MAMLD1: variants seen among roughly 807,000 people sequenced by gnomAD.
The protein encoded by MAMLD1 is mastermind-like domain-containing protein 1.
In MAMLD1, 14 loss-of-function variants were observed where a neutral mutation model predicts 45.0. The ratio of observed to expected loss-of-function variants is 0.31; its 90% CI spans 0.21 to 0.49. The LOEUF (loss-of-function observed/expected upper bound fraction) is 0.49. Among genes scored for constraint, MAMLD1 ranks in the 20% least tolerant of loss-of-function variants. The pLI is 0.99. For synonymous variants in MAMLD1, 254 were observed against 247.8 expected (o/e 1.02, Z -0.24); for missense variants, 543 against 603.6 (o/e 0.90, Z 1.05).
chrX:150,462,431 G>T (rs891928312), intron 2 of MAMLD1, among the ~76,000 whole-genome samples: 4 of 111,751 alleles, frequency 3.6e-5, no homozygotes, highest in Non-Finnish European at 7.5e-5. Flanking sequence ...TGGTTGGAGA[G>T]CTGGCAGCCT....
chrX:150,456,641 A>G (rs1422121817), intron 2 of MAMLD1, among the ~76,000 whole-genome samples: 1 of 112,135 alleles, frequency 8.9e-6, no homozygotes, highest in Non-Finnish European at 1.9e-5. Context: ...GTATGTGTAT[A>G]AAAATACAGA....
rs193240817 is a variant in MAMLD1 at position 150,513,085 on chromosome X, A to T, written c.*1126A>T. 1.8e-6 allele frequency: 2 copies of T among 1,133,332 alleles called. No individual in the cohort carries two copies. Among genetic ancestry groups the T allele is most frequent in the African/African-American group, 3.6e-5 (2 of 55,064 alleles). The allele number at this position is 1,133,332 out of a possible 1,213,427, so 93.4% of individuals were successfully genotyped here. On this transcript the variant is annotated 3_prime_UTR_variant, in exon 8 of 8. Transcript: ENST00000370401. ...CTGGGGCACTTTAAATCTGAGCAGG[A>T]TGCCCATAGAAACCCCCATGGTGAC...
At chrX:150,387,181 A>G (rs1022099329) in intron 1 of MAMLD1, among the ~76,000 whole-genome samples, 19 of 111,836 alleles carry the variant, frequency 1.7e-4, no homozygotes, top group African/African-American at 5.5e-4. Context: ...AGGATTATAT[A>G]GTTTTAGTAT....
chrX:150,473,360 C>G (rs1269024121), intron 4 of MAMLD1, among the ~76,000 whole-genome samples: 2 of 112,442 alleles, frequency 1.8e-5, no homozygotes, highest in Admixed American at 1.9e-4. Flanking sequence ...TTATAAAGTG[C>G]TTGGCCAGAG....
intron 1 of MAMLD1, among the ~76,000 whole-genome samples, chrX:150,389,554 G>T (rs782046788): frequency 8.9e-6 from 1 of 112,311 alleles, no homozygotes; most frequent in South Asian, 3.7e-4. Context: ...GGCCCAGGAT[G>T]TGGCCTATCT....
intron 1 of MAMLD1, among the ~76,000 whole-genome samples, chrX:150,398,329 GAAGAAGAA>G (rs1569564611): frequency 1.2e-3 from 100 of 83,639 alleles, no homozygotes; most frequent in African/African-American, 1.5e-3. Flanking sequence ...AGAAGAAGAA[GAAGAAGAA>G]GAAGAGGAAG....
chrX:150,469,174 A>C (rs1320817571), intron 3 of MAMLD1, among the ~76,000 whole-genome samples: 1 of 112,549 alleles, frequency 8.9e-6, no homozygotes, highest in African/African-American at 3.2e-5. Context: ...TGATGCATTT[A>C]ACCAAGACTA....
intron 2 of MAMLD1, among the ~76,000 whole-genome samples, chrX:150,452,280 C>T (rs965152117): frequency 1.8e-5 from 2 of 111,959 alleles, no homozygotes; most frequent in African/African-American, 3.3e-5. Flanking sequence ...CATTCACATC[C>T]GCAGATGCCA....
intron 5 of MAMLD1, among the ~76,000 whole-genome samples, chrX:150,490,907 T>C (rs1205312105): frequency 2.7e-5 from 3 of 112,024 alleles, no homozygotes; most frequent in African/African-American, 6.5e-5. Flanking sequence ...TGTAACACAC[T>C]ATATTAACAG....
chrX:150,509,701 C>T, intron 6 of MAMLD1: 1 of 379,112 alleles, frequency 2.6e-6, no homozygotes, highest in Admixed American at 4.5e-5. Context: ...TTTCTGTGTG[C>T]TCTTGCTATT....
At chrX:150,403,797 G>A (rs1226975013) in intron 1 of MAMLD1, among the ~76,000 whole-genome samples, 1 of 103,043 alleles carries the variant, frequency 9.7e-6, no homozygotes, top group Non-Finnish European at 2.0e-5. Context: ...CAGACTGAGA[G>A]AAAGAAAGGA....
At chrX:150,421,296 G>A (rs1230642292) in intron 1 of MAMLD1, among the ~76,000 whole-genome samples, 1 of 112,054 alleles carries the variant, frequency 8.9e-6, no homozygotes, top group Admixed American at 9.3e-5. Context: ...TGCTTCGCTC[G>A]CGCACGGTGC....
Position 150,473,880 on chromosome X carries a change from G to A in MAMLD1, c.2040+78G>A, listed in dbSNP as rs1031428283. On this transcript the variant is annotated intron_variant, in intron 5 of 7. Coordinates refer to ENST00000370401, the MANE Select transcript of MAMLD1 (RefSeq NM_005491.5). ...ATTGTGTTGTCCCAGAGCTGGATCAGCTGGCTCAGAGGGAGAATTCTTAAT... is the reference window on the plus strand; with the variant it reads ...ATTGTGTTGTCCCAGAGCTGGATCAACTGGCTCAGAGGGAGAATTCTTAAT... The A allele has an allele frequency of 1.2e-5, 13 of 1,050,127 alleles. No homozygotes were observed. In the African/African-American group the frequency reaches 2.4e-4, roughly 19 times the overall value. The allele number at this position is 1,050,127 out of a possible 1,213,427, so 86.5% of individuals were successfully genotyped here.
chrX:150,422,501 C>T lies in MAMLD1; in HGVS notation c.-63-22953C>T, dbSNP rs192275394. Reference sequence around the variant, plus strand: ...TGTGCTCACTGCAACCTCCACCTCCCGGGGTTCAAGCAATTCTCCTGCCTC... The same window carrying T: ...TGTGCTCACTGCAACCTCCACCTCCTGGGGTTCAAGCAATTCTCCTGCCTC... On this transcript the variant is annotated intron_variant, in intron 1 of 7. Coordinates refer to ENST00000370401, the MANE Select transcript of MAMLD1 (RefSeq NM_005491.5). 4.3e-3 allele frequency among the ~76,000 whole-genome samples: 485 copies of T among 111,976 alleles called. 1 individual carries two copies. The highest frequency in any genetic ancestry group is 0.011 in the African/African-American group (335 of 30,799).
chrX:150,388,006 CTT>C (rs1435204497), intron 1 of MAMLD1, among the ~76,000 whole-genome samples: 3 of 111,648 alleles, frequency 2.7e-5, no homozygotes, highest in Non-Finnish European at 5.7e-5. Flanking sequence ...TCTGTACTGT[CTT>C]TGTCTTGTTT....
Position 150,512,688 on chromosome X carries a change from G to A in MAMLD1, c.*729G>A. 8.7e-7 allele frequency: 1 copy of A among 1,152,182 alleles called. No homozygotes were observed. The highest frequency in any genetic ancestry group is 1.1e-6 in the Non-Finnish European group (1 of 870,275). 95.0% of individuals were successfully genotyped at this position (1,152,182 alleles called of 1,213,427 possible). On this transcript the variant is annotated 3_prime_UTR_variant, in exon 8 of 8. Coordinates refer to ENST00000370401, the MANE Select transcript of MAMLD1 (RefSeq NM_005491.5). ...AACACCACCAAGTTCCTCCAGCAGG[G>A]TATGGCCAGCTTTAGTCCCCTGAGC... is the stretch of plus-strand genomic sequence containing the variant.
At chrX:150,473,386 A>G (rs1266672995) in intron 4 of MAMLD1, among the ~76,000 whole-genome samples, 5 of 112,467 alleles carry the variant, frequency 4.4e-5, no homozygotes, top group African/African-American at 1.6e-4. Context: ...GCCCAAGGGA[A>G]GCACCTGTCA....
At chrX:150,488,441 A>G (rs1182487854) in intron 5 of MAMLD1, among the ~76,000 whole-genome samples, 5 of 112,911 alleles carry the variant, frequency 4.4e-5, no homozygotes, top group Non-Finnish European at 9.4e-5. Context: ...ATCTGCAGGC[A>G]GCTTCAAATG....
At chrX:150,407,524 C>T (rs1198583789) in intron 1 of MAMLD1, among the ~76,000 whole-genome samples, 1 of 112,379 alleles carries the variant, frequency 8.9e-6, no homozygotes, top group Non-Finnish European at 1.9e-5. Flanking sequence ...AGGATAAGAT[C>T]ACCTGCTAAA....
Sources: allele counts gnomAD v4.1 joint callset (sites outside exome capture counted in the v4.1 genomes callset), GRCh38; gene constraint gnomAD v4.1.1; transcripts MANE v1.5; gene names NCBI Gene and HGNC (gene_info 2026-07-23, HGNC 2026-07-21).